The following STRN3 variants were observed in gnomAD, a reference collection of about 807,000 sequenced individuals.
STRN3 encodes striatin-3.
In STRN3, 29 loss-of-function variants were observed where a neutral mutation model predicts 95.6. The observed-to-expected ratio is 0.30, with a 90% CI of 0.23 to 0.41. The LOEUF (loss-of-function observed/expected upper bound fraction) is 0.41, where lower values mean the gene tolerates loss of function less well. Ranked by LOEUF, STRN3 falls within the 10% of genes least tolerant of loss-of-function variation. The probability of loss-of-function intolerance (pLI) is 1.00; values close to 1 mark genes in which losing one functional copy is unlikely to be tolerated. For synonymous variants in STRN3, 331 were observed against 357.6 expected (o/e 0.93, Z 0.84); for missense variants, 890 against 972.1 (o/e 0.92, Z 1.12).
In STRN3 at chr14:30,947,237, T is replaced by C; in HGVS notation, c.569A>G (p.Asp190Gly). Residue 190 changes from aspartate (D) to glycine (G), a missense_variant, in exon 5 of 18, where the codon GAT (aspartate) becomes GGT (glycine). Asp to Gly is a moderately conservative substitution (Grantham distance 94). This residue lies in a region of STRN3 where 526 missense variants were observed against 526.3 expected (regional missense o/e 1.00). Coordinates refer to ENST00000357479, the MANE Select transcript of STRN3 (RefSeq NM_001083893.2). ...RQYLQEVGYT[D>G]TILDVRSQRV... is the part of the protein sequence containing the mutation. Reference sequence around the variant, plus strand: ...CTGAGACCGTACATCTAATATTGTATCTGTATAACCTACTTCCTGAAGATA... The same window carrying C: ...CTGAGACCGTACATCTAATATTGTACCTGTATAACCTACTTCCTGAAGATA... The C allele has an allele frequency of 6.2e-7, 1 of 1,605,986 alleles. No homozygotes were observed. The highest frequency in any genetic ancestry group is 8.5e-7 in the Non-Finnish European group (1 of 1,177,254).
chr14:30,963,329 C>T (rs1023927862), intron 1 of STRN3, among the ~76,000 whole-genome samples: 1 of 152,090 alleles, frequency 6.6e-6, no homozygotes, highest in Non-Finnish European at 1.5e-5. Context: ...CTTTACCCAA[C>T]AAAAAAATAC....
Position 30,936,642 on chromosome 14 carries a change from A to G in STRN3, c.717-18T>C, listed in dbSNP as rs1878835681. 3 of 1,593,906 alleles carry G rather than the reference A, an allele frequency of 1.9e-6. No individual in the cohort carries two copies. The highest frequency in any genetic ancestry group is 1.9e-5 in the Admixed American group (1 of 53,788). On this transcript the variant is annotated intron_variant, in intron 5 of 17. Coordinates refer to ENST00000357479, the MANE Select transcript of STRN3 (RefSeq NM_001083893.2). ...CAGAGGACCTGTGCGAAGGAAAAAA[A>G]GATAAATCCAACTATTCCAATGGTT...
chr14:30,895,634 G>C, intron 17 of STRN3, 28 bp downstream of exon 17: 1 of 1,611,298 alleles, frequency 6.2e-7, no homozygotes, highest in Non-Finnish European at 8.5e-7. Context: ...TATAAAGTTT[G>C]TGGGCAGTAC....
intron 1 of STRN3, among the ~76,000 whole-genome samples, chr14:30,978,992 C>A (rs769520088): frequency 7.6e-6 from 1 of 131,150 alleles, no homozygotes; most frequent in Non-Finnish European, 1.5e-5. Flanking sequence ...CGAGATCATG[C>A]CACTGCACTC....
rs1301402992 is a variant in STRN3 at position 30,895,314 on chromosome 14, T to A, written c.*97A>T. The A allele has an allele frequency of 5.5e-6, 7 of 1,281,302 alleles. No homozygotes were observed. The highest frequency in any genetic ancestry group is 1.0e-6 in the Non-Finnish European group (1 of 956,176). 79.4% of individuals were successfully genotyped at this position (1,281,302 alleles called of 1,614,324 possible). On this transcript the variant is annotated 3_prime_UTR_variant, in exon 18 of 18. Coordinates refer to ENST00000357479, the MANE Select transcript of STRN3 (RefSeq NM_001083893.2). ...CCCCAGATAGCCTTCACCAGGCAGA[T>A]CACATGTAGTGTCATATCAGTAACC...
At chr14:30,954,451 A>G (rs1483112923) in intron 3 of STRN3, among the ~76,000 whole-genome samples, 1 of 152,112 alleles carries the variant, frequency 6.6e-6, no homozygotes, top group East Asian at 1.9e-4. Flanking sequence ...TTCATTTAAT[A>G]TTATCTCCAT....
chr14:30,945,611 TA>T (rs1337366186), intron 5 of STRN3, among the ~76,000 whole-genome samples: 2 of 151,724 alleles, frequency 1.3e-5, no homozygotes, highest in African/African-American at 4.8e-5. Context: ...GTCTCAAAAA[TA>T]ATAATAATAA....
intron 4 of STRN3, among the ~76,000 whole-genome samples, chr14:30,948,844 G>A (rs1262778237): frequency 6.6e-6 from 1 of 152,220 alleles, no homozygotes; most frequent in African/African-American, 2.4e-5. Flanking sequence ...GTCCAGAAAA[G>A]CTGTCCTCAC....
chr14:31,026,221 C>G lies in STRN3; in HGVS notation c.-36G>C. 7.2e-7 allele frequency: 1 copy of G among 1,381,496 alleles called. No homozygotes were observed. Among genetic ancestry groups the G allele is most frequent in the Non-Finnish European group, 9.3e-7 (1 of 1,076,436 alleles). 85.6% of individuals were successfully genotyped at this position (1,381,496 alleles called of 1,614,324 possible). ...GCCCCGGCCGGGGCGCAGGGCGAGA[C>G]GCCGACAGCTGGGGGAAGGGCCGGA... On this transcript the variant is annotated 5_prime_UTR_variant, in exon 1 of 18. Transcript: ENST00000357479.
chr14:30,976,196 A>G (rs1881096310), intron 1 of STRN3, among the ~76,000 whole-genome samples: 1 of 152,272 alleles, frequency 6.6e-6, no homozygotes, highest in Non-Finnish European at 1.5e-5. Context: ...CACACAGAAA[A>G]TAACAAAAAG....
At position 30,894,821 on chromosome 14, in the gene STRN3, AT is replaced by A. The variant is rs1199936734; in HGVS notation, c.*589del. 2.3e-6 allele frequency: 1 copy of A among 425,782 alleles called. No individual in the cohort carries two copies. Among genetic ancestry groups the A allele is most frequent in the Non-Finnish European group, 3.7e-6 (1 of 272,162 alleles). The allele number at this position is 425,782 out of a possible 1,614,324, so 26.4% of individuals were successfully genotyped here. On this transcript the variant is annotated 3_prime_UTR_variant, in exon 18 of 18. Transcript: ENST00000357479. ...ACAGGCTAAATATATAAAAAGACTT[AT>A]AAAAACTAGAATTTTATCCAAACAT... is the stretch of plus-strand genomic sequence containing the variant.
chr14:31,018,452 C>T, intron 1 of STRN3: 1 of 415,106 alleles, frequency 2.4e-6, no homozygotes, highest in Non-Finnish European at 4.7e-6. Context: ...TCCTATGACA[C>T]ACCTCCTCCT....
chr14:30,965,529 A>C (rs1464864749), intron 1 of STRN3, among the ~76,000 whole-genome samples: 1 of 152,046 alleles, frequency 6.6e-6, no homozygotes, highest in Non-Finnish European at 1.5e-5. Context: ...CTAAAAAAAA[A>C]CAAAAAGAGG....
At chr14:31,008,236 G>A (rs547000527) in intron 1 of STRN3, among the ~76,000 whole-genome samples, 1 of 151,712 alleles carries the variant, frequency 6.6e-6, no homozygotes, top group Admixed American at 6.6e-5. Context: ...TTGGCTGGGT[G>A]CAGTGGCTTA....
chr14:30,929,960 A>AAAAAAC (rs1555317349), intron 7 of STRN3, among the ~76,000 whole-genome samples: 1 of 142,948 alleles, frequency 7.0e-6, no homozygotes, highest in African/African-American at 2.5e-5. Context: ...TTAGCAAAAA[A>AAAAAAC]AAAAAAAAAA....
chr14:30,924,287 C>CTTTTTTTTTT (rs71112354), intron 8 of STRN3, among the ~76,000 whole-genome samples: 1,570 of 77,176 alleles, frequency 0.02, 231 homozygotes, highest in African/African-American at 0.035. Flanking sequence ...TGCCTTAAAT[C>CTTTTTTTTTT]TTTTTTTTTT....
At chr14:30,921,151 C>G (rs1456750659) in intron 8 of STRN3, among the ~76,000 whole-genome samples, 2 of 151,740 alleles carry the variant, frequency 1.3e-5, no homozygotes, top group Admixed American at 1.3e-4. Context: ...CAAATTCTAC[C>G]CATTCCTCCA....
At chr14:30,954,769 C>T (rs1879819228) in intron 3 of STRN3, among the ~76,000 whole-genome samples, 1 of 152,126 alleles carries the variant, frequency 6.6e-6, no homozygotes, top group African/African-American at 2.4e-5. Context: ...ACCACCTAGC[C>T]AATTCTGACT....
At chr14:30,924,087 T>C (rs1458527742) in intron 8 of STRN3, among the ~76,000 whole-genome samples, 1 of 151,620 alleles carries the variant, frequency 6.6e-6, no homozygotes, top group Non-Finnish European at 1.5e-5. Flanking sequence ...ATATTAGTAT[T>C]GCATCAACAC....
Sources: allele counts gnomAD v4.1 joint callset (sites outside exome capture counted in the v4.1 genomes callset), GRCh38; gene constraint gnomAD v4.1.1; regional missense constraint gnomAD v4.1.1; transcripts MANE v1.5; gene names NCBI Gene and HGNC (gene_info 2026-07-23, HGNC 2026-07-21).